The following MEOX2 variants were observed in gnomAD, a reference collection of about 807,000 sequenced individuals.
The protein encoded by MEOX2 is mesenchyme homeobox 2.
MEOX2 carries 11 observed loss-of-function variants against 27.0 expected under a neutral mutation model. The observed-to-expected ratio is 0.41, with a 90% CI of 0.26 to 0.68. The LOEUF is 0.68. Among genes scored for constraint, MEOX2 ranks in the 30% least tolerant of loss-of-function variants. The pLI, the probability that MEOX2 is intolerant of heterozygous loss-of-function variation, is 0.33. For synonymous variants in MEOX2, 189 were observed against 155.4 expected, an observed-to-expected ratio of 1.22 and a Z score of -1.61; for missense variants, 436 against 385.4, an observed-to-expected ratio of 1.13 and a Z score of -1.10.
Position 15,644,626 on chromosome 7 carries a change from T to G in MEOX2, c.518-17708A>C, listed in dbSNP as rs9638728. Among the ~76,000 whole-genome samples the G allele has an allele frequency of 3.3e-4, 50 of 152,212 alleles. No individual in the cohort carries two copies. The East Asian group carries it at 9.7e-3, about 29-fold the overall frequency. On this transcript the variant is annotated intron_variant, in intron 1 of 2. Coordinates refer to ENST00000262041, the MANE Select transcript of MEOX2 (RefSeq NM_005924.5). ...TTGCTCCAGGATTTGAGGGAGGTGC[T>G]CTGGACATGATTTGGATAGTGGCAG...
intron 1 of MEOX2, chr7:15,675,943 G>C (rs761854645): frequency 2.8e-4 from 43 of 152,082 alleles, no homozygotes; most frequent in Non-Finnish European, 5.9e-4. Context: ...AATTGCTATG[G>C]ATCTGAAAAT....
At chr7:15,657,442 G>A (rs958551566) in intron 1 of MEOX2, among the ~76,000 whole-genome samples, 1 of 151,978 alleles carries the variant, frequency 6.6e-6, no homozygotes, top group Non-Finnish European at 1.5e-5. Flanking sequence ...ACATTCTCCA[G>A]TTTTTCCCTT....
Position 15,686,052 on chromosome 7 carries a change from G to T in MEOX2, c.351C>A (p.Pro117=). ...SLCLQPDSGG[P]PELGSSPPVL... Reference sequence around the variant, plus strand: ...CGGGCGGGCTGCTCCCCAACTCTGGGGGCCCTCCAGAGTCGGGCTGGAGGC... The same window carrying T: ...CGGGCGGGCTGCTCCCCAACTCTGGTGGCCCTCCAGAGTCGGGCTGGAGGC... Residue 117 remains proline (P), a synonymous_variant, in exon 1 of 3, where the codon CCC becomes CCA. Transcript: ENST00000262041. 1 of 1,603,222 alleles carries T rather than the reference G, an allele frequency of 6.2e-7. No homozygotes were observed.
intron 1 of MEOX2, among the ~76,000 whole-genome samples, chr7:15,630,333 T>G (rs917455366): frequency 6.6e-6 from 1 of 152,194 alleles, no homozygotes; most frequent in East Asian, 1.9e-4. Context: ...TGACTTTTTA[T>G]TTCCCCTAGT....
intron 1 of MEOX2, among the ~76,000 whole-genome samples, chr7:15,633,984 C>A (rs572890950): frequency 1.3e-5 from 2 of 151,996 alleles, no homozygotes; most frequent in African/African-American, 4.8e-5. Context: ...TTTATTATTG[C>A]TTTCTATTAA....
chr7:15,641,569 T>G (rs533888219), intron 1 of MEOX2, among the ~76,000 whole-genome samples: 65 of 152,288 alleles, frequency 4.3e-4, no homozygotes, highest in African/African-American at 1.5e-3. Flanking sequence ...TACATCCAGT[T>G]TGCCAATCTG....
intron 1 of MEOX2, among the ~76,000 whole-genome samples, chr7:15,639,996 A>G (rs771198965): frequency 1.6e-4 from 24 of 152,124 alleles, no homozygotes; most frequent in Non-Finnish European, 1.5e-4. Context: ...GGATTTTAGA[A>G]TTGTTTTTCT....
At chr7:15,626,073 C>A (rs950762171) in intron 2 of MEOX2, among the ~76,000 whole-genome samples, 1 of 152,040 alleles carries the variant, frequency 6.6e-6, no homozygotes, top group South Asian at 2.1e-4. Flanking sequence ...GCACCTAAGC[C>A]GCACCATTTG....
intron 1 of MEOX2, among the ~76,000 whole-genome samples, chr7:15,655,388 T>C (rs186979649): frequency 8.6e-5 from 13 of 151,768 alleles, no homozygotes; most frequent in Admixed American, 6.6e-4. Context: ...CATTGATTTC[T>C]GCTCTTATCT....
chr7:15,642,725 T>A (rs558735312), intron 1 of MEOX2, among the ~76,000 whole-genome samples: 1 of 152,330 alleles, frequency 6.6e-6, no homozygotes, highest in South Asian at 2.1e-4. Flanking sequence ...TTCCTTCTTA[T>A]CTGCAGAAGC....
rs113582077 is a variant in MEOX2, at chr7:15,686,172, ATGGTGGTGGTGGTGG to A, written c.216_230del (p.His76_His80del). 5.2e-6 allele frequency: 8 copies of A among 1,532,290 alleles called. No homozygotes were observed. The highest frequency in any genetic ancestry group is 1.4e-5 in the African/African-American group (1 of 72,192). 94.9% of individuals were successfully genotyped at this position (1,532,290 alleles called of 1,614,324 possible). On this transcript the variant is annotated inframe_deletion, in exon 1 of 3. Transcript: ENST00000262041. ...GGTGCTGCTGCTGCTGATGGTGGTG[ATGGTGGTGGTGGTGG>A]TGGTGGTGGTGGTGCCCCCTGTGAT...
intron 1 of MEOX2, chr7:15,677,404 C>T (rs1782213851): frequency 6.6e-6 from 1 of 152,130 alleles, no homozygotes; most frequent in Non-Finnish European, 1.5e-5. Context: ...GGGGTTTAGC[C>T]CTAACTATTG....
In MEOX2 at chr7:15,667,251, A is replaced by C. The variant is rs867444714; in HGVS notation, c.517+18635T>G. Among the ~76,000 whole-genome samples, 76 of 132,582 alleles carry C rather than the reference A, an allele frequency of 5.7e-4. 1 individual carries two copies. The highest frequency in any genetic ancestry group is 2.1e-3 in the African/African-American group (75 of 35,454). The allele number at this position is 132,582 out of a possible 152,430, so 87.0% of individuals were successfully genotyped here. A position where few individuals can be genotyped will look rare whatever the true frequency, so the allele number is the denominator to read the frequency against. ...GGTTGCAGTGAGCCAAGATTGCACC[A>C]CTGCACTCCAGCCTGGCAACAGAGT... On this transcript the variant is annotated intron_variant, in intron 1 of 2. Coordinates refer to ENST00000262041, the MANE Select transcript of MEOX2 (RefSeq NM_005924.5).
At chr7:15,618,287 C>G (rs1450495114) in intron 2 of MEOX2, among the ~76,000 whole-genome samples, 2 of 151,918 alleles carry the variant, frequency 1.3e-5, no homozygotes, top group African/African-American at 2.4e-5. Context: ...ATTGTTTACT[C>G]AAGTATTTCA....
intron 1 of MEOX2, among the ~76,000 whole-genome samples, chr7:15,645,555 T>C (rs995588654): frequency 4.6e-5 from 7 of 152,208 alleles, no homozygotes; most frequent in African/African-American, 1.7e-4. Flanking sequence ...AAAATATTTC[T>C]ACATTGAAAT....
chr7:15,641,582 T>C (rs570773717), intron 1 of MEOX2, among the ~76,000 whole-genome samples: 6 of 152,288 alleles, frequency 3.9e-5, no homozygotes, highest in Admixed American at 3.3e-4. Flanking sequence ...CCAATCTGTA[T>C]CTTTTAAGTG....
chr7:15,657,608 T>A (rs1015977524), intron 1 of MEOX2, among the ~76,000 whole-genome samples: 1 of 152,228 alleles, frequency 6.6e-6, no homozygotes, highest in Non-Finnish European at 1.5e-5. Flanking sequence ...TTTTCATTTG[T>A]TCCAAGCATG....
chr7:15,664,535 G>A (rs973770086), intron 1 of MEOX2, among the ~76,000 whole-genome samples: 1 of 152,132 alleles, frequency 6.6e-6, no homozygotes, highest in Non-Finnish European at 1.5e-5. Flanking sequence ...CCTCAAGCAA[G>A]ACCCCACCTT....
intron 1 of MEOX2, among the ~76,000 whole-genome samples, chr7:15,636,939 C>A (rs1358464489): frequency 1.3e-5 from 2 of 151,882 alleles, no homozygotes; most frequent in East Asian, 3.9e-4. Context: ...ATCCTCATGA[C>A]CTAAACACCT....
Sources: allele counts gnomAD v4.1 joint callset (sites outside exome capture counted in the v4.1 genomes callset), GRCh38; gene constraint gnomAD v4.1.1; transcripts MANE v1.5; gene names NCBI Gene and HGNC (gene_info 2026-07-23, HGNC 2026-07-21).